Variants in KCNQ2 observed in about 807,000 individuals in gnomAD.
The protein encoded by KCNQ2 is potassium voltage-gated channel subfamily Q member 2, also known as potassium voltage-gated channel subfamily KQT member 2.
In KCNQ2, 14 loss-of-function variants were observed where a neutral mutation model predicts 84.8. The observed-to-expected ratio is 0.17, with a 90% confidence interval of 0.11 to 0.26. KCNQ2 has a LOEUF of 0.26. KCNQ2 is among the 10% of genes least tolerant of loss of function. The pLI, the probability that KCNQ2 is intolerant of heterozygous loss-of-function variation, is 1.00. For missense variants in KCNQ2, 788 were observed against 1,254.0 expected (o/e 0.63, Z 5.61); for synonymous variants, 599 against 554.1 (o/e 1.08, Z -1.14).
intron 4 of KCNQ2, among the ~76,000 whole-genome samples, chr20:63,444,376 G>T (rs2081350050): frequency 6.6e-6 from 1 of 152,236 alleles, no homozygotes; most frequent in Non-Finnish European, 1.5e-5. Flanking sequence ...TTCGCGGCAG[G>T]AAGGTGGGGG....
At chr20:63,461,679 C>G (rs905328481) in intron 1 of KCNQ2, among the ~76,000 whole-genome samples, 1 of 151,364 alleles carries the variant, frequency 6.6e-6, no homozygotes, top group Non-Finnish European at 1.5e-5. Flanking sequence ...GAGGCTGCAC[C>G]TACCCCGGGC....
chr20:63,442,563 A>G, intron 4 of KCNQ2, 32 bp from the exon 5 acceptor site: 1 of 1,609,160 alleles, frequency 6.2e-7, no homozygotes, highest in Non-Finnish European at 8.5e-7. Flanking sequence ...CATCATGACC[A>G]CCATCACCAG....
chr20:63,415,686 C>T (rs1035404088), intron 12 of KCNQ2, among the ~76,000 whole-genome samples: 3 of 152,140 alleles, frequency 2.0e-5, no homozygotes, highest in Admixed American at 6.5e-5. Context: ...CACGAGGTGC[C>T]GGAGCCTTCC....
intron 1 of KCNQ2, among the ~76,000 whole-genome samples, chr20:63,464,627 C>A (rs548262667): frequency 6.6e-6 from 1 of 152,294 alleles, no homozygotes; most frequent in Non-Finnish European, 1.5e-5. Flanking sequence ...AAAGCACCTG[C>A]ACACTAGCTC....
intron 9 of KCNQ2, 103 bp downstream of exon 9, chr20:63,431,237 G>T: frequency 7.6e-7 from 1 of 1,323,082 alleles, no homozygotes; most frequent in Non-Finnish European, 1.1e-6. Context: ...TCACTCTGCA[G>T]ACCGGGTGGG....
chr20:63,462,019 C>A, intron 1 of KCNQ2, among the ~76,000 whole-genome samples: 1 of 133,982 alleles, frequency 7.5e-6, no homozygotes. Flanking sequence ...TGCACCTACC[C>A]CAGGCAGCAG....
chr20:63,446,899 T>C lies in KCNQ2; in HGVS notation c.297-62A>G. Reference sequence around the variant, plus strand: ...AGCAGGGCAGCAGCATGGCTGTGTCTCCAGAACTCAGGACCCCACTCCCCA... The same window carrying C: ...AGCAGGGCAGCAGCATGGCTGTGTCCCCAGAACTCAGGACCCCACTCCCCA... On this transcript the variant is annotated intron_variant, in intron 1 of 16. Transcript: ENST00000359125. This position sits in a 1 kb window ranked among gnomAD's most constrained non-coding sequence, Gnocchi z 5.5. 6.9e-7 allele frequency: 1 copy of C among 1,459,216 alleles called. No homozygotes were observed. Among genetic ancestry groups the C allele is most frequent in the African/African-American group, 1.4e-5 (1 of 71,728 alleles). 90.4% of individuals were successfully genotyped at this position (1,459,216 alleles called of 1,614,324 possible). A position where few individuals can be genotyped will look rare whatever the true frequency, so the allele number is the denominator to read the frequency against.
chr20:63,439,882 C>T, intron 5 of KCNQ2, 174 bp from the exon 6 acceptor site: 1 of 666,862 alleles, frequency 1.5e-6, no homozygotes, highest in South Asian at 1.6e-5. Context: ...CCCCTCATCC[C>T]CTGAGCCCTC....
Position 63,416,190 on chromosome 20 carries a change from C to T in KCNQ2, c.1302-1064G>A, listed in dbSNP as rs148851628. Among the ~76,000 whole-genome samples, 348 of 152,178 alleles carry T rather than the reference C, an allele frequency of 2.3e-3. 2 individuals are homozygous for T. Among genetic ancestry groups the T allele is most frequent in the South Asian group, 9.4e-3 (45 of 4,798 alleles). On this transcript the variant is annotated intron_variant, in intron 12 of 16. Transcript: ENST00000359125. ...GGGGAGGCAGCCTCCAAAGCCACAG[C>T]GCTGTGGCCCGGCCCCCTCGGCCTG...
chr20:63,436,005 G>A (rs149160190), intron 7 of KCNQ2, among the ~76,000 whole-genome samples: 11 of 139,148 alleles, frequency 7.9e-5, no homozygotes, highest in Admixed American at 3.0e-4. Flanking sequence ...TTTTTTGGTC[G>A]ACAGAATCTA....
Position 63,472,528 on chromosome 20 carries a change from C to T in KCNQ2, c.-65G>A, listed in dbSNP as rs1299321184. ...AGCGGGGGCGGAGCGCGGGGGGCGG[C>T]GCGGGCCCCAGCCCAGGCCCCCCGG... is the stretch of plus-strand genomic sequence containing the variant. On this transcript the variant is annotated 5_prime_UTR_variant, in exon 1 of 17. Transcript: ENST00000359125. 6 of 1,311,482 alleles carry T rather than the reference C, an allele frequency of 4.6e-6. No homozygotes were observed. The East Asian group carries it at 9.6e-5, about 21-fold the overall frequency. The allele number at this position is 1,311,482 out of a possible 1,614,324, so 81.2% of individuals were successfully genotyped here.
intron 1 of KCNQ2, among the ~76,000 whole-genome samples, chr20:63,461,685 C>G (rs563280581): frequency 8.7e-5 from 13 of 149,950 alleles, no homozygotes; most frequent in African/African-American, 2.9e-4. Context: ...GCACCTACCC[C>G]GGGCAGCAGG....
rs748785128 is a variant in KCNQ2 at position 63,415,060 on chromosome 20, C to T, written c.1368G>A (p.Gly456=). The T allele has an allele frequency of 3.4e-5, 54 of 1,607,228 alleles. No individual in the cohort carries two copies. The highest frequency in any genetic ancestry group is 4.6e-5 in the Non-Finnish European group (54 of 1,179,908). The part of the protein sequence containing the change: ...SPRGVAAKGK[G]SPQAQTVRRS... ...GCCTCACAGTCTGGGCCTGCGGGGA[C>T]CCCTTCCCCTTGGCAGCCACGCCTC... The change falls in exon 13 of 17, where the codon GGG becomes GGA. Residue 456 remains glycine (G), a synonymous_variant. Coordinates refer to ENST00000359125, the MANE Select transcript of KCNQ2 (RefSeq NM_172107.4).
At position 63,452,511 on chromosome 20, in the gene KCNQ2, C is replaced by T. The variant is rs562787497; in HGVS notation, c.297-5674G>A. On this transcript the variant is annotated intron_variant, in intron 1 of 16. Coordinates refer to ENST00000359125, the MANE Select transcript of KCNQ2 (RefSeq NM_172107.4). ...GTGTTCATGCCGAAAAACACCTGCA[C>T]AGCAGCGTCGAGGCAGGTGCGTGGC... Among the ~76,000 whole-genome samples, 398 of 152,350 alleles carry T rather than the reference C, an allele frequency of 2.6e-3. 3 individuals are homozygous for T. Among genetic ancestry groups the T allele is most frequent in the Middle Eastern group, 6.8e-3 (2 of 294 alleles).
rs2079808400 is a variant in KCNQ2 at position 63,401,532 on chromosome 20, G to T, written c.*5112C>A. The T allele has an allele frequency of 6.6e-6, 1 of 152,438 alleles. No individual in the cohort carries two copies. The highest frequency in any genetic ancestry group is 1.5e-5 in the Non-Finnish European group (1 of 68,206). 9.4% of individuals were successfully genotyped at this position (152,438 alleles called of 1,614,324 possible). ...GGGGCCGAGGTGGAGACTGCGCGCT[G>T]GGTGGGAATGCAGGATGGCTGCCCG... On this transcript the variant is annotated 3_prime_UTR_variant, in exon 17 of 17. Coordinates refer to ENST00000359125, the MANE Select transcript of KCNQ2 (RefSeq NM_172107.4).
At chr20:63,461,150 G>A (rs1396281502) in intron 1 of KCNQ2, 3 of 152,162 alleles carry the variant, frequency 2.0e-5, no homozygotes, top group Admixed American at 6.5e-5. Flanking sequence ...AATAAGCCAC[G>A]ACCAAACGTT....
Position 63,446,943 on chromosome 20 carries a change from C to G in KCNQ2, c.297-106G>C, listed in dbSNP as rs1003657549. 1.0e-6 allele frequency: 1 copy of G among 992,136 alleles called. No individual in the cohort carries two copies. The highest frequency in any genetic ancestry group is 1.6e-6 in the Non-Finnish European group (1 of 619,702). The allele number at this position is 992,136 out of a possible 1,614,324, so 61.5% of individuals were successfully genotyped here. A position where few individuals can be genotyped will look rare whatever the true frequency, so the allele number is the denominator to read the frequency against. On this transcript the variant is annotated intron_variant, in intron 1 of 16. Transcript: ENST00000359125. This position sits in a 1 kb window ranked among gnomAD's most constrained non-coding sequence, Gnocchi z 5.5. ...CTCCCCACCAGGCCGCAGCAGGGCA[C>G]CAGCATGGCCGCGTCTCCAGAACGC...
rs2081439398 is a variant in KCNQ2 at position 63,446,784 on chromosome 20, T to C, written c.350A>G (p.Glu117Gly). Residue 117 changes from glutamate to glycine, a missense_variant, in exon 2 of 17, where the codon GAG becomes GGG. This residue lies in a region of KCNQ2 where 106 missense variants were observed against 214.8 expected (regional missense o/e 0.49). Coordinates refer to ENST00000359125, the MANE Select transcript of KCNQ2 (RefSeq NM_172107.4). This position sits in a 1 kb window ranked among gnomAD's most constrained non-coding sequence, Gnocchi z 5.5. ...GGCCCCCTCCGAGCTCTTCTCATACTCCTTGATGGTGGAAAACACAGACAG... is the reference window on the plus strand; with the variant it reads ...GGCCCCCTCCGAGCTCTTCTCATACCCCTTGATGGTGGAAAACACAGACAG... ...LVLSVFSTIK[E>G]YEKSSEGALY... 1 of 1,613,248 alleles carries C rather than the reference T, an allele frequency of 6.2e-7. No individual in the cohort carries two copies. The highest frequency in any genetic ancestry group is 1.7e-5 in the Admixed American group (1 of 59,980).
chr20:63,428,025 T>A (rs1483992088), intron 10 of KCNQ2, among the ~76,000 whole-genome samples: 1 of 152,204 alleles, frequency 6.6e-6, no homozygotes, highest in Non-Finnish European at 1.5e-5. Context: ...GCACCTGAGT[T>A]ACCACCAGGC....
Sources: gnomAD v4.1 joint callset for allele counts (sites outside exome capture counted in the v4.1 genomes callset) on GRCh38, gnomAD v4.1.1 for gene constraint, gnomAD v4.1.1 regional missense constraint, Gnocchi (gnomAD v3.1) non-coding constraint, MANE v1.5 for transcripts, NCBI Gene and HGNC (gene_info 2026-07-23, HGNC 2026-07-21) for gene names.